The following LRRD1 variants were observed in gnomAD, a reference collection of about 807,000 sequenced individuals.
LRRD1 encodes leucine-rich repeat and death domain-containing protein 1.
Under a neutral mutation model 69.5 loss-of-function variants are expected in LRRD1, and 49 were observed. The ratio of observed to expected loss-of-function variants is 0.70; its 90% CI spans 0.56 to 0.89. LRRD1 has a LOEUF of 0.89. Among genes scored for constraint, LRRD1 ranks in the 40% least tolerant of loss-of-function variants. The pLI is 0.00. For synonymous variants in LRRD1, 303 were observed against 338.9 expected (o/e 0.89, Z 1.16); for missense variants, 853 against 956.0 (o/e 0.89, Z 1.42).
intron 3 of LRRD1, among the ~76,000 whole-genome samples, chr7:92,158,572 G>T (rs980092208): frequency 3.3e-5 from 5 of 151,672 alleles, no homozygotes; most frequent in Non-Finnish European, 2.9e-5. Context: ...ATTTTGTTTT[G>T]GTTATTGTAA....
downstream of LRRD1, chr7:92,142,343 G>GT (rs1427550680): frequency 1.4e-5 from 6 of 414,074 alleles, no homozygotes; most frequent in Non-Finnish European, 2.4e-5. Context: ...AAGTGCAGAA[G>GT]TATGGGGATT....
intron 1 of LRRD1, among the ~76,000 whole-genome samples, chr7:92,177,804 A>G (rs1248954247): frequency 6.6e-6 from 1 of 152,194 alleles, no homozygotes; most frequent in African/African-American, 2.4e-5. Context: ...ATTTTGACCT[A>G]CATCTGCCTG....
At chr7:92,143,006 G>A (rs570473502), downstream of LRRD1, 61 of 240,958 alleles carry the variant, frequency 2.5e-4, no homozygotes, top group South Asian at 1.8e-3. Flanking sequence ...CCCCACCCAC[G>A]TCCTGCTGAT....
At chr7:92,142,702 G>A (rs539075713), downstream of LRRD1, 10 of 407,642 alleles carry the variant, frequency 2.5e-5, no homozygotes, top group East Asian at 2.1e-4. Flanking sequence ...TCGTGGTCTC[G>A]CTGGCTCAGG....
chr7:92,165,095 T>G lies in LRRD1; in HGVS notation c.108A>C (p.Thr36=). The G allele has an allele frequency of 6.4e-7, 1 of 1,551,604 alleles. No homozygotes were observed. Among genetic ancestry groups the G allele is most frequent in the Non-Finnish European group, 8.7e-7 (1 of 1,146,932 alleles). Residue 36 remains threonine, a synonymous_variant, in exon 2 of 6, where the codon ACA becomes ACC. Transcript: ENST00000458448. ...CAGAAGCTTCGTTTATCAAATTTGATGTTTCTTTAATAAAGCCAGGCTCCT... is the reference window on the plus strand; with the variant it reads ...CAGAAGCTTCGTTTATCAAATTTGAGGTTTCTTTAATAAAGCCAGGCTCCT... ...SMKEPGFIKE[T]SNLINEASDY...
intron 2 of LRRD1, 60 bp from the exon 3 acceptor site, chr7:92,159,263 A>C (rs1563191310): frequency 3.7e-6 from 4 of 1,084,732 alleles, no homozygotes; most frequent in Non-Finnish European, 4.9e-6. Flanking sequence ...CATGACTAAA[A>C]CTTCTTCTAA....
chr7:92,159,110 C>G lies in LRRD1; in HGVS notation c.2011G>C (p.Gly671Arg), dbSNP rs189029116. The change falls in exon 3 of 6, where the codon GGA becomes CGA. Residue 671 changes from glycine to arginine, a missense_variant. Physicochemically the swap from Gly to Arg is moderately radical, Grantham distance 125. Around this residue, in one of 3 missense-constraint regions of LRRD1, gnomAD observed 739 missense variants for 808.0 expected, o/e 0.91. Coordinates refer to ENST00000458448, the MANE Select transcript of LRRD1 (RefSeq NM_001161528.2). ...AAACTAACCAAATTTCTCAATTCTC[C>G]TATATTTCTTGGAATCTCTCTGATT... ...NAIREIPRNI[G>R]ELRNLVSLHA... 1.0e-5 allele frequency: 16 copies of G among 1,547,630 alleles called. No homozygotes were observed. Among genetic ancestry groups the G allele is most frequent in the Non-Finnish European group, 1.4e-5 (16 of 1,145,164 alleles).
chr7:92,167,031 T>A (rs572063817), intron 1 of LRRD1, among the ~76,000 whole-genome samples: 4 of 151,856 alleles, frequency 2.6e-5, no homozygotes, highest in South Asian at 2.1e-4. Flanking sequence ...AGTAAATTAT[T>A]AGAATAAATA....
downstream of LRRD1, among the ~76,000 whole-genome samples, chr7:92,143,656 C>A (rs1268642845): frequency 7.2e-5 from 11 of 152,150 alleles, no homozygotes; most frequent in Admixed American, 7.2e-4. Flanking sequence ...CCGGAACTCG[C>A]GCTGGCCCGC....
At chr7:92,151,441 T>C (rs563599264) in intron 3 of LRRD1, among the ~76,000 whole-genome samples, 11 of 152,212 alleles carry the variant, frequency 7.2e-5, no homozygotes, top group Non-Finnish European at 1.5e-4. Context: ...AGATACCTCA[T>C]ATCCGCATGA....
chr7:92,153,467 T>G (rs913254909), intron 3 of LRRD1, among the ~76,000 whole-genome samples: 2 of 137,586 alleles, frequency 1.5e-5, no homozygotes, highest in African/African-American at 2.7e-5. Flanking sequence ...TTGTTTTTAG[T>G]TTTTTTTTTT....
chr7:92,172,923 C>T (rs925620010), intron 1 of LRRD1, among the ~76,000 whole-genome samples: 1 of 152,166 alleles, frequency 6.6e-6, no homozygotes, highest in Non-Finnish European at 1.5e-5. Context: ...CTGGAGGCAT[C>T]ATCCTTCCTG....
rs573904367 is a variant in LRRD1 at position 92,164,577 on chromosome 7, A to G, written c.626T>C (p.Leu209Ser). 102 of 1,551,212 alleles carry G rather than the reference A, an allele frequency of 6.6e-5. No homozygotes were observed. The South Asian group carries it at 1.1e-3, about 16-fold the overall frequency. The change falls in exon 2 of 6, where the codon TTA (leucine) becomes TCA (serine). Residue 209 changes from leucine (L) to serine (S), a missense_variant. Leu to Ser is a moderately radical substitution (Grantham distance 145). Around this residue, in one of 3 missense-constraint regions of LRRD1, gnomAD observed 739 missense variants for 808.0 expected, o/e 0.91. Coordinates refer to ENST00000458448, the MANE Select transcript of LRRD1 (RefSeq NM_001161528.2). The part of the protein sequence containing the change: ...GLSSLPSEIQ[L>S]LHNLRILNVS... ...ATTTAATATCCTTAAATTATGAAGT[A>G]ACTGAATTTCAGATGGAAGTGATGA...
intron 2 of LRRD1, among the ~76,000 whole-genome samples, chr7:92,159,859 G>A (rs537036422): frequency 1.0e-3 from 152 of 152,152 alleles, no homozygotes; most frequent in African/African-American, 3.6e-3. Flanking sequence ...GACATCAGGC[G>A]ATCCTCCCAC....
intron 3 of LRRD1, among the ~76,000 whole-genome samples, chr7:92,152,462 T>C (rs939884927): frequency 6.6e-6 from 1 of 152,042 alleles, no homozygotes; most frequent in Admixed American, 6.6e-5. Flanking sequence ...TTGTACTCAG[T>C]TTTTTGTTGA....
downstream of LRRD1, chr7:92,142,536 G>C (rs765097353): frequency 2.2e-6 from 1 of 456,610 alleles, no homozygotes; most frequent in South Asian, 1.5e-5. Flanking sequence ...CCTGGCTTAA[G>C]TCAAATTGTG....
chr7:92,159,525 C>G lies in LRRD1; in HGVS notation c.1918-322G>C, dbSNP rs1788752536. ...CCATTCTCTTCTCCCTAAATCTGAC[C>G]CTGTTTTGGCTTCTTTCCCGCCCCC... On this transcript the variant is annotated intron_variant, in intron 2 of 5. Coordinates refer to ENST00000458448, the MANE Select transcript of LRRD1 (RefSeq NM_001161528.2). 2.0e-5 allele frequency among the ~76,000 whole-genome samples: 3 copies of G among 151,752 alleles called. No homozygotes were observed. The South Asian group carries it at 6.3e-4, about 32-fold the overall frequency.
At chr7:92,177,293 G>A (rs1789219018) in intron 1 of LRRD1, among the ~76,000 whole-genome samples, 1 of 151,656 alleles carries the variant, frequency 6.6e-6, no homozygotes, top group South Asian at 2.1e-4. Context: ...AGAATGAGCT[G>A]GGAAGCCTAT....
At chr7:92,149,866 A>G in intron 4 of LRRD1, 1 of 454,132 alleles carries the variant, frequency 2.2e-6, no homozygotes, top group Non-Finnish European at 4.4e-6. Flanking sequence ...AATGTCTTTT[A>G]GAACAACTAC....
Sources: gnomAD v4.1 joint callset for allele counts (sites outside exome capture counted in the v4.1 genomes callset) on GRCh38, gnomAD v4.1.1 for gene constraint, gnomAD v4.1.1 regional missense constraint, MANE v1.5 for transcripts, NCBI Gene and HGNC (gene_info 2026-07-23, HGNC 2026-07-21) for gene names.